Variants in TRERF1 observed in about 807,000 individuals in gnomAD.
TRERF1 encodes the protein transcriptional regulating factor 1.
Under a neutral mutation model 122.9 loss-of-function variants are expected in TRERF1, and 27 were observed. That is an observed-to-expected ratio of 0.22 (90% CI 0.16 to 0.30). The LOEUF (loss-of-function observed/expected upper bound fraction) is 0.30. Among genes scored for constraint, TRERF1 ranks in the 10% least tolerant of loss-of-function variants. The probability of loss-of-function intolerance (pLI) is 1.00; values close to 1 mark genes in which losing one functional copy is unlikely to be tolerated. For synonymous variants in TRERF1, 636 were observed against 641.7 expected, an observed-to-expected ratio of 0.99 and a Z score of 0.13; for missense variants, 1,248 against 1,560.3, an observed-to-expected ratio of 0.80 and a Z score of 3.37.
intron 3 of TRERF1, among the ~76,000 whole-genome samples, chr6:42,360,844 C>A (rs1771623316): frequency 1.3e-5 from 2 of 150,578 alleles, no homozygotes; most frequent in Admixed American, 6.6e-5. Flanking sequence ...GGTTCACACC[C>A]ACCCTGCAGT....
intron 2 of TRERF1, among the ~76,000 whole-genome samples, chr6:42,399,022 TCAC>T (rs1163031440): frequency 6.6e-6 from 1 of 152,096 alleles, no homozygotes; most frequent in Non-Finnish European, 1.5e-5. Flanking sequence ...TTTCTCCATC[TCAC>T]CACCTGCCGC....
intron 3 of TRERF1, among the ~76,000 whole-genome samples, chr6:42,343,837 T>C (rs985982235): frequency 1.3e-5 from 2 of 152,252 alleles, no homozygotes; most frequent in Admixed American, 1.3e-4. Flanking sequence ...TCTGAGCCTG[T>C]AAGCAGGATC....
intron 2 of TRERF1, among the ~76,000 whole-genome samples, chr6:42,390,686 C>T (rs1361094324): frequency 6.6e-6 from 1 of 152,150 alleles, no homozygotes; most frequent in Admixed American, 6.5e-5. Flanking sequence ...GCCCGGCCCT[C>T]AGGAAAGTAC....
At position 42,342,947 on chromosome 6, in the gene TRERF1, C is replaced by T. The variant is rs1767571870; in HGVS notation, c.-371+20050G>A. On this transcript the variant is annotated intron_variant, in intron 3 of 17. Transcript: ENST00000372922. ...TGGCATGCCATCCTAATCTAATGAC[C>T]CATCCAAGGCCTCTCTGGGGCCAGG... Among the ~76,000 whole-genome samples, 5 of 152,154 alleles carry T rather than the reference C, an allele frequency of 3.3e-5. No homozygotes were observed. In the South Asian group the frequency reaches 1.0e-3, roughly 32 times the overall value.
chr6:42,353,309 G>A lies in TRERF1; in HGVS notation c.-371+9688C>T, dbSNP rs73430813. ...TGGAAAAAAAAAACAACTCAGGGCC[G>A]GGTGTGGTGGCTCACTCCCGAAATC... On this transcript the variant is annotated intron_variant, in intron 3 of 17. Transcript: ENST00000372922. Among the ~76,000 whole-genome samples, 913 of 152,218 alleles carry A rather than the reference G, an allele frequency of 6.0e-3. 8 individuals carry two copies. The highest frequency in any genetic ancestry group is 0.02 in the African/African-American group (842 of 41,542).
intron 3 of TRERF1, among the ~76,000 whole-genome samples, chr6:42,344,803 C>T (rs1230051893): frequency 1.3e-5 from 2 of 152,306 alleles, no homozygotes; most frequent in African/African-American, 4.8e-5. Context: ...ACCCTACCCA[C>T]CTTCTTTGTC....
chr6:42,388,576 C>T (rs1472497734), intron 2 of TRERF1, among the ~76,000 whole-genome samples: 1 of 151,984 alleles, frequency 6.6e-6, no homozygotes, highest in Non-Finnish European at 1.5e-5. Flanking sequence ...TGCCAGTTAC[C>T]ACCACCTAGA....
At chr6:42,250,992 CTTTTTT>C (rs70987586) in intron 13 of TRERF1, among the ~76,000 whole-genome samples, 12 of 97,604 alleles carry the variant, frequency 1.2e-4, no homozygotes, top group Non-Finnish European at 2.2e-4. Flanking sequence ...TCTTTTGCTT[CTTTTTT>C]TTTTTTTTTT....
chr6:42,437,443 A>G (rs953625852), intron 2 of TRERF1, among the ~76,000 whole-genome samples: 36 of 152,170 alleles, frequency 2.4e-4, no homozygotes, highest in African/African-American at 7.5e-4. Flanking sequence ...TTCTCAAAGC[A>G]CTTTTGCATT....
intron 3 of TRERF1, among the ~76,000 whole-genome samples, chr6:42,318,234 G>A (rs1239426272): frequency 1.3e-5 from 2 of 152,014 alleles, no homozygotes; most frequent in Non-Finnish European, 2.9e-5. Flanking sequence ...AGAAATAGAG[G>A]TCCATATTCT....
chr6:42,295,889 G>C (rs1381087340), intron 4 of TRERF1, among the ~76,000 whole-genome samples: 1 of 152,142 alleles, frequency 6.6e-6, no homozygotes, highest in African/African-American at 2.4e-5. Context: ...ATCAAATCAG[G>C]AAACGACACA....
chr6:42,282,525 G>A (rs1325745744), intron 4 of TRERF1, among the ~76,000 whole-genome samples: 1 of 152,162 alleles, frequency 6.6e-6, no homozygotes, highest in Non-Finnish European at 1.5e-5. Context: ...TCCAGCCTGG[G>A]TGACAGAGTG....
At chr6:42,255,432 C>T (rs1776566445) in intron 12 of TRERF1, among the ~76,000 whole-genome samples, 1 of 152,236 alleles carries the variant, frequency 6.6e-6, no homozygotes, top group Non-Finnish European at 1.5e-5. Flanking sequence ...AAAGATGCCG[C>T]AGGCAGAGTT....
chr6:42,266,510 C>T (rs969164023), intron 5 of TRERF1, among the ~76,000 whole-genome samples: 2 of 152,264 alleles, frequency 1.3e-5, no homozygotes, highest in Non-Finnish European at 2.9e-5. Context: ...CTTAAAAAGC[C>T]TTAGCCAAAT....
At chr6:42,290,677 A>G (rs1311718421) in intron 4 of TRERF1, among the ~76,000 whole-genome samples, 2 of 150,438 alleles carry the variant, frequency 1.3e-5, no homozygotes, top group East Asian at 3.9e-4. Flanking sequence ...CAGCAAGGAG[A>G]GAAGAAGGAA....
chr6:42,266,524 C>A (rs1386304221), intron 5 of TRERF1, among the ~76,000 whole-genome samples: 1 of 152,196 alleles, frequency 6.6e-6, no homozygotes, highest in African/African-American at 2.4e-5. Context: ...GCCAAATCAT[C>A]TCATTCTTAT....
Position 42,268,242 on chromosome 6 carries a change from T to A in TRERF1, c.1349A>T (p.His450Leu). The A allele has an allele frequency of 6.7e-7, 1 of 1,490,426 alleles. No individual in the cohort carries two copies. The highest frequency in any genetic ancestry group is 8.9e-7 in the Non-Finnish European group (1 of 1,120,114). The allele number at this position is 1,490,426 out of a possible 1,614,324, so 92.3% of individuals were successfully genotyped here. The stretch of plus-strand genomic sequence containing the variant: ...CCCACTGGGGGATAGGAGGGGGCGA[T>A]GGGGGAGGGTGCTGCTGACCCGGGT... Residue 450 changes from histidine (H) to leucine (L), a missense_variant, in exon 5 of 18, where the codon CAT becomes CTT. Around this residue, in one of 5 missense-constraint regions of TRERF1, gnomAD observed 946 missense variants for 1,073.0 expected, o/e 0.88. Coordinates refer to ENST00000372922, the Ensembl canonical transcript of TRERF1. This position sits in a 1 kb window ranked among gnomAD's most constrained non-coding sequence, Gnocchi z 4.4.
chr6:42,288,046 C>G (rs1050629573), intron 4 of TRERF1, among the ~76,000 whole-genome samples: 6 of 152,024 alleles, frequency 3.9e-5, no homozygotes, highest in African/African-American at 1.4e-4. Context: ...ACCTTCTCAG[C>G]CTACAAGTTC....
intron 2 of TRERF1, among the ~76,000 whole-genome samples, chr6:42,371,524 G>A (rs1773757213): frequency 6.6e-6 from 1 of 152,150 alleles, no homozygotes; most frequent in African/African-American, 2.4e-5. Flanking sequence ...GAGACCTGAT[G>A]CTCAACCCCC....
Sources: gnomAD v4.1 joint callset for allele counts (sites outside exome capture counted in the v4.1 genomes callset) on GRCh38, gnomAD v4.1.1 for gene constraint, gnomAD v4.1.1 regional missense constraint, Gnocchi (gnomAD v3.1) non-coding constraint, MANE v1.5 for transcripts, NCBI Gene and HGNC (gene_info 2026-07-23, HGNC 2026-07-21) for gene names.